The following KCNU1 variants were observed in gnomAD, a reference collection of about 807,000 sequenced individuals.
The protein encoded by KCNU1 is potassium channel subfamily U member 1.
A neutral mutation model predicts 126.8 loss-of-function variants in KCNU1; 93 were observed. The ratio of observed to expected loss-of-function variants is 0.73; its 90% CI spans 0.62 to 0.87. The LOEUF (loss-of-function observed/expected upper bound fraction) is 0.87. KCNU1 is among the 40% of genes least tolerant of loss of function. The probability of loss-of-function intolerance (pLI) is 0.00; values close to 1 mark genes in which losing one functional copy is unlikely to be tolerated. For synonymous variants in KCNU1, 523 were observed against 494.2 expected, an observed-to-expected ratio of 1.06 and a Z score of -0.77; for missense variants, 1,330 against 1,367.1, an observed-to-expected ratio of 0.97 and a Z score of 0.43.
intron 16 of KCNU1, among the ~76,000 whole-genome samples, chr8:36,844,051 T>G (rs1389139164): frequency 6.6e-6 from 1 of 152,136 alleles, no homozygotes; most frequent in Non-Finnish European, 1.5e-5. Flanking sequence ...AGATATTTAA[T>G]ATGAGTTCAG....
At chr8:36,866,442 GC>G (rs1020181609) in intron 19 of KCNU1, among the ~76,000 whole-genome samples, 1 of 152,062 alleles carries the variant, frequency 6.6e-6, no homozygotes, top group African/African-American at 2.4e-5. Flanking sequence ...TACAGTTTGT[GC>G]CCTTCCTGCC....
At position 36,935,992 on chromosome 8, in the gene KCNU1, A is replaced by G; in HGVS notation, c.*72A>G. 1 of 1,358,944 alleles carries G rather than the reference A, an allele frequency of 7.4e-7. No individual in the cohort carries two copies. Among genetic ancestry groups the G allele is most frequent in the Non-Finnish European group, 1.0e-6 (1 of 999,784 alleles). 84.2% of individuals were successfully genotyped at this position (1,358,944 alleles called of 1,614,324 possible). ...ATCTCCTGAGATGCTAACTTTGAAC[A>G]AAGAAAATAAGAATGGAAGCATGCC... is the stretch of plus-strand genomic sequence containing the variant. On this transcript the variant is annotated 3_prime_UTR_variant, in exon 27 of 27. Coordinates refer to ENST00000399881, the MANE Select transcript of KCNU1 (RefSeq NM_001031836.3).
rs757524657 is a variant in KCNU1, at chr8:36,814,218, T to C, written c.744T>C (p.Ser248=). ...CTCTCTTTGGACAGGTGGAAAATTC[T>C]GGTGATCCCTGGCTCAAAGGTAGAA... ...AAGFIHLVEN[S]GDPWLKGRNS... Residue 248 remains serine (S), a synonymous_variant, in exon 8 of 27, where the codon TCT becomes TCC. Coordinates refer to ENST00000399881, the MANE Select transcript of KCNU1 (RefSeq NM_001031836.3). The C allele has an allele frequency of 6.2e-7, 1 of 1,613,182 alleles. No homozygotes were observed. The highest frequency in any genetic ancestry group is 8.5e-7 in the Non-Finnish European group (1 of 1,179,310).
chr8:36,831,153 T>C (rs1172046633), intron 10 of KCNU1, among the ~76,000 whole-genome samples: 1 of 152,080 alleles, frequency 6.6e-6, no homozygotes, highest in Non-Finnish European at 1.5e-5. Context: ...TAATCCAGTC[T>C]GTCATTGTTG....
chr8:36,834,865 T>C lies in KCNU1; in HGVS notation c.1292T>C (p.Met431Thr). ...DSHAEDISNI[M>T]RVLSIKNYDS... ...CATGCTGAAGATATTTCCAACATTATGAGGTAAGAAGCTGTGTTTTGTATG... is the reference window on the plus strand; with the variant it reads ...CATGCTGAAGATATTTCCAACATTACGAGGTAAGAAGCTGTGTTTTGTATG... Residue 431 changes from methionine (M) to threonine (T), a missense_variant, in exon 12 of 27, where the codon ATG (methionine) becomes ACG (threonine). By Grantham distance (81) the Met-to-Thr change is moderately conservative (BLOSUM62 -1). Around this residue, in one of 3 missense-constraint regions of KCNU1, gnomAD observed 1,054 missense variants for 1,053.9 expected, o/e 1.00. Coordinates refer to ENST00000399881, the MANE Select transcript of KCNU1 (RefSeq NM_001031836.3). 1.2e-6 allele frequency: 2 copies of C among 1,603,846 alleles called. No individual in the cohort carries two copies. Among genetic ancestry groups the C allele is most frequent in the Non-Finnish European group, 8.5e-7 (1 of 1,171,948 alleles).
Position 36,845,640 on chromosome 8 carries a change from T to C in KCNU1, c.1764T>C (p.Phe588=). The C allele has an allele frequency of 6.2e-7, 1 of 1,610,470 alleles. No individual in the cohort carries two copies. Among genetic ancestry groups the C allele is most frequent in the Non-Finnish European group, 8.5e-7 (1 of 1,176,694 alleles). The part of the protein sequence containing the change: ...VRIRKNTLGF[F]IAETPKDVRR... ...TACGTAAGAACACATTAGGGTTCTT[T>C]ATTGCTGAAACTCCAAAGGACGTCA... The change falls in exon 17 of 27, where the codon TTT becomes TTC. Residue 588 remains phenylalanine (F), a synonymous_variant. Coordinates refer to ENST00000399881, the MANE Select transcript of KCNU1 (RefSeq NM_001031836.3).
intron 24 of KCNU1, chr8:36,928,912 T>C (rs537971132): frequency 6.3e-6 from 4 of 639,526 alleles, no homozygotes; most frequent in Non-Finnish European, 1.1e-5. Flanking sequence ...CCAGGAGATC[T>C]GGGATCCCAG....
intron 19 of KCNU1, among the ~76,000 whole-genome samples, chr8:36,865,512 T>C (rs1279768713): frequency 6.6e-6 from 1 of 151,498 alleles, no homozygotes; most frequent in Non-Finnish European, 1.5e-5. Context: ...ATGCCTATAA[T>C]CCCAGTGCTT....
intron 19 of KCNU1, chr8:36,888,737 G>A (rs762372400): frequency 9.4e-6 from 5 of 534,428 alleles, no homozygotes; most frequent in Admixed American, 7.8e-5. Context: ...CACAAAAGAA[G>A]CCTACAAGAA....
intron 10 of KCNU1, among the ~76,000 whole-genome samples, chr8:36,819,227 C>A (rs1804034914): frequency 6.6e-6 from 1 of 152,038 alleles, no homozygotes; most frequent in African/African-American, 2.4e-5. Flanking sequence ...CAACTAATTG[C>A]CTCCTGGATA....
intron 24 of KCNU1, among the ~76,000 whole-genome samples, chr8:36,923,221 A>C (rs1019627887): frequency 6.6e-6 from 1 of 152,162 alleles, no homozygotes; most frequent in Non-Finnish European, 1.5e-5. Flanking sequence ...ATGCCCACTG[A>C]ACACCTACTC....
At chr8:36,806,153 A>G (rs533500017) in intron 4 of KCNU1, 116 bp from the exon 5 acceptor site, 1 of 617,660 alleles carries the variant, frequency 1.6e-6, no homozygotes, top group Non-Finnish European at 2.8e-6. Context: ...TATGTAAAAT[A>G]GAAGGAGATC....
At position 36,802,223 on chromosome 8, in the gene KCNU1, C is replaced by T. The variant is rs2130395851; in HGVS notation, c.316-1804C>T. On this transcript the variant is annotated intron_variant, in intron 2 of 26. Coordinates refer to ENST00000399881, the MANE Select transcript of KCNU1 (RefSeq NM_001031836.3). ...TGAAGCTCCTAGCCTCTTACCCAAT[C>T]ACTTGTAAACTAGGGTCAATTTGAA... Among the ~76,000 whole-genome samples the T allele has an allele frequency of 2.6e-5, 4 of 151,676 alleles. No homozygotes were observed. In the South Asian group the frequency reaches 8.4e-4, roughly 32 times the overall value.
At chr8:36,804,397 G>T (rs1803423732) in intron 3 of KCNU1, among the ~76,000 whole-genome samples, 1 of 152,058 alleles carries the variant, frequency 6.6e-6, no homozygotes, top group Non-Finnish European at 1.5e-5. Context: ...CCCTCACTTA[G>T]GCCACTCATG....
chr8:36,872,087 T>C (rs540229350), intron 19 of KCNU1, among the ~76,000 whole-genome samples: 1 of 152,326 alleles, frequency 6.6e-6, no homozygotes, highest in African/African-American at 2.4e-5. Flanking sequence ...ATTTGCCCTC[T>C]GAGTAACACC....
chr8:36,909,050 T>C (rs1038304776), intron 20 of KCNU1, among the ~76,000 whole-genome samples: 1 of 152,136 alleles, frequency 6.6e-6, no homozygotes, highest in African/African-American at 2.4e-5. Context: ...CTAATCTGAG[T>C]TTTAGTTGAT....
intron 7 of KCNU1, among the ~76,000 whole-genome samples, chr8:36,811,315 T>A (rs1447714970): frequency 6.6e-6 from 1 of 152,080 alleles, no homozygotes; most frequent in East Asian, 1.9e-4. Flanking sequence ...AAATTATTAA[T>A]TCTAATCATA....
At chr8:36,852,897 T>G (rs1360056335) in intron 18 of KCNU1, among the ~76,000 whole-genome samples, 1 of 152,138 alleles carries the variant, frequency 6.6e-6, no homozygotes, top group Non-Finnish European at 1.5e-5. Flanking sequence ...TTTTCTAATT[T>G]TTTCTATTCT....
intron 26 of KCNU1, among the ~76,000 whole-genome samples, chr8:36,934,772 A>T (rs895721564): frequency 1.3e-5 from 2 of 152,116 alleles, no homozygotes; most frequent in Non-Finnish European, 2.9e-5. Context: ...TGAAAGCCAT[A>T]CAAGGCTACC....
Sources: allele counts gnomAD v4.1 joint callset (sites outside exome capture counted in the v4.1 genomes callset), GRCh38; gene constraint gnomAD v4.1.1; regional missense constraint gnomAD v4.1.1; transcripts MANE v1.5; gene names NCBI Gene and HGNC (gene_info 2026-07-23, HGNC 2026-07-21).